Variants in NR5A1 observed in about 807,000 individuals in gnomAD.
NR5A1 encodes the protein steroidogenic factor 1.
A neutral mutation model predicts 42.7 loss-of-function variants in NR5A1; 6 were observed. The ratio of observed to expected loss-of-function variants is 0.14; its 90% CI spans 0.08 to 0.28. NR5A1 has a LOEUF of 0.28. Among genes scored for constraint, NR5A1 ranks in the 10% least tolerant of loss-of-function variants. The probability of loss-of-function intolerance (pLI) is 1.00; values close to 1 mark genes in which losing one functional copy is unlikely to be tolerated. For synonymous variants in NR5A1, 274 were observed against 277.5 expected, an observed-to-expected ratio of 0.99 and a Z score of 0.12; for missense variants, 442 against 626.4, an observed-to-expected ratio of 0.71 and a Z score of 3.14.
chr9:124,488,348 G>T (rs1482037428), intron 6 of NR5A1, among the ~76,000 whole-genome samples: 1 of 151,976 alleles, frequency 6.6e-6, no homozygotes, highest in Non-Finnish European at 1.5e-5. Flanking sequence ...CTCTCTCACT[G>T]CTTGCCATCA....
At chr9:124,493,598 G>A (rs995872844) in intron 4 of NR5A1, among the ~76,000 whole-genome samples, 3 of 152,166 alleles carry the variant, frequency 2.0e-5, no homozygotes, top group Non-Finnish European at 1.5e-5. Flanking sequence ...GCCTGTGGTC[G>A]GTCACACCTC....
At chr9:124,485,107 C>T (rs961511405) in intron 6 of NR5A1, among the ~76,000 whole-genome samples, 4 of 152,170 alleles carry the variant, frequency 2.6e-5, no homozygotes, top group African/African-American at 9.7e-5. Flanking sequence ...TTTCTTGTCA[C>T]CCAAGTTCCT....
intron 6 of NR5A1, among the ~76,000 whole-genome samples, chr9:124,490,023 G>A (rs903235266): frequency 2.6e-5 from 4 of 151,716 alleles, no homozygotes; most frequent in East Asian, 1.9e-4. Flanking sequence ...CATGCCCCTC[G>A]CAGACTGTGA....
chr9:124,501,099 G>C lies in NR5A1; in HGVS notation c.245-384C>G. Reference sequence around the variant, plus strand: ...AGCACTCCTGGATTCATGCAAACGGGCTCTACTGTCCTTGCCCCAGGTGCC... The same window carrying C: ...AGCACTCCTGGATTCATGCAAACGGCCTCTACTGTCCTTGCCCCAGGTGCC... On this transcript the variant is annotated intron_variant, in intron 3 of 6. Coordinates refer to ENST00000373588, the MANE Select transcript of NR5A1 (RefSeq NM_004959.5). This position sits in a 1 kb window ranked among gnomAD's most constrained non-coding sequence, Gnocchi z 4.1. 2.0e-6 allele frequency: 1 copy of C among 505,684 alleles called. No homozygotes were observed. The highest frequency in any genetic ancestry group is 3.9e-6 in the Non-Finnish European group (1 of 254,610). 31.3% of individuals were successfully genotyped at this position (505,684 alleles called of 1,614,324 possible). A position where few individuals can be genotyped will look rare whatever the true frequency, so the allele number is the denominator to read the frequency against.
rs1209882636 is a variant in NR5A1 at position 124,498,269 on chromosome 9, T to TTACG, written c.870+1817_870+1820dup. 2.0e-5 allele frequency among the ~76,000 whole-genome samples: 3 copies of TTACG among 152,180 alleles called. No homozygotes were observed. The highest frequency in any genetic ancestry group is 7.2e-5 in the African/African-American group (3 of 41,446). Reference sequence around the variant, plus strand: ...CAGTGGAAAAGAACTTCCACATGGCTTACGAGAGGCGCTCTAAGGGCTGGG... The same window carrying TTACG: ...CAGTGGAAAAGAACTTCCACATGGCTTACGTACGAGAGGCGCTCTAAGGGCTGGG... On this transcript the variant is annotated intron_variant, in intron 4 of 6. Coordinates refer to ENST00000373588, the MANE Select transcript of NR5A1 (RefSeq NM_004959.5). This position sits in a 1 kb window ranked among gnomAD's most constrained non-coding sequence, Gnocchi z 4.6.
rs141979000 is a variant in NR5A1 at position 124,495,756 on chromosome 9, C to T, written c.871-2607G>A. On this transcript the variant is annotated intron_variant, in intron 4 of 6. Transcript: ENST00000373588. ...CTTCAGGCCAAAAGCAGATGGGTCA[C>T]GGTGACCCGGCTGGCCCAGCCCTGG... is the stretch of plus-strand genomic sequence containing the variant. Among the ~76,000 whole-genome samples, 1,190 of 152,294 alleles carry T rather than the reference C, an allele frequency of 7.8e-3. 19 individuals are homozygous for T. Among genetic ancestry groups the T allele is most frequent in the African/African-American group, 0.028 (1,158 of 41,550 alleles).
At chr9:124,489,304 C>T (rs1193892017) in intron 6 of NR5A1, among the ~76,000 whole-genome samples, 1 of 152,190 alleles carries the variant, frequency 6.6e-6, no homozygotes, top group Non-Finnish European at 1.5e-5. Context: ...CAAGAACTCT[C>T]ACCTTACAAA....
At chr9:124,487,398 T>A (rs1183419739) in intron 6 of NR5A1, among the ~76,000 whole-genome samples, 1 of 152,254 alleles carries the variant, frequency 6.6e-6, no homozygotes, top group Non-Finnish European at 1.5e-5. Flanking sequence ...GCCGCCTCAA[T>A]GGAAGTCAGG....
At chr9:124,504,370 G>A (rs1832518673) in intron 1 of NR5A1, among the ~76,000 whole-genome samples, 1 of 152,182 alleles carries the variant, frequency 6.6e-6, no homozygotes. Context: ...CGGGGGCCCG[G>A]GCCGCAGGAG....
intron 6 of NR5A1, among the ~76,000 whole-genome samples, chr9:124,490,300 G>C (rs368882477): frequency 2.6e-5 from 4 of 152,192 alleles, no homozygotes; most frequent in African/African-American, 9.7e-5. Flanking sequence ...GTCTTTTCAC[G>C]ATTGGCAAGG....
In NR5A1 at chr9:124,501,649, G is replaced by A. The variant is rs1054596030; in HGVS notation, c.245-934C>T. ...GTGGGCAGCGCTGTGCTGCTCGCAG[G>A]CTGCACGGGAGTTTCTACTGCCCAC... On this transcript the variant is annotated intron_variant, in intron 3 of 6. Coordinates refer to ENST00000373588, the MANE Select transcript of NR5A1 (RefSeq NM_004959.5). This position sits in a 1 kb window ranked among gnomAD's most constrained non-coding sequence, Gnocchi z 4.1. Among the ~76,000 whole-genome samples the A allele has an allele frequency of 6.6e-6, 1 of 152,210 alleles. No individual in the cohort carries two copies. Among genetic ancestry groups the A allele is most frequent in the Non-Finnish European group, 1.5e-5 (1 of 68,032 alleles).
At chr9:124,491,829 G>T (rs1382539753) in intron 5 of NR5A1, among the ~76,000 whole-genome samples, 1 of 151,888 alleles carries the variant, frequency 6.6e-6, no homozygotes, top group Admixed American at 6.5e-5. Context: ...GGGTTGATGG[G>T]AAGACAGTGA....
rs944662800 is a variant in NR5A1 at position 124,489,677 on chromosome 9, G to T, written c.1138+1404C>A. Among the ~76,000 whole-genome samples the T allele has an allele frequency of 2.0e-5, 3 of 152,056 alleles. No individual in the cohort carries two copies. In the South Asian group the frequency reaches 6.2e-4, roughly 31 times the overall value. Reference sequence around the variant, plus strand: ...GGAGCTTCCCCAGCTGCAGCCAACCGAGCCTGGGTCCCTGAGGCTCCTGTA... The same window carrying T: ...GGAGCTTCCCCAGCTGCAGCCAACCTAGCCTGGGTCCCTGAGGCTCCTGTA... On this transcript the variant is annotated intron_variant, in intron 6 of 6. Coordinates refer to ENST00000373588, the MANE Select transcript of NR5A1 (RefSeq NM_004959.5).
intron 4 of NR5A1, among the ~76,000 whole-genome samples, chr9:124,493,845 A>T (rs2131280684): frequency 6.6e-6 from 1 of 152,300 alleles, no homozygotes; most frequent in Non-Finnish European, 1.5e-5. Flanking sequence ...GTGCAGGGGC[A>T]GGGCCAGCCC....
In NR5A1 at chr9:124,503,381, G is replaced by A. The variant is rs779406677; in HGVS notation, c.15C>T (p.Tyr5=). The change falls in exon 2 of 7, where the codon TAC becomes TAT. Residue 5 remains tyrosine, a synonymous_variant. Transcript: ENST00000373588. The surrounding 1 kb of genome is among the most constrained non-coding windows in gnomAD (Gnocchi z 9.6). The part of the protein sequence containing the change: MDYS[Y]DEDLDELCPV... ...GGCACAGCTCGTCCAGGTCCTCGTC[G>A]TACGAATAGTCCATGCCCGCGGCGT... 8 of 1,610,268 alleles carry A rather than the reference G, an allele frequency of 5.0e-6. No homozygotes were observed. Among genetic ancestry groups the A allele is most frequent in the Admixed American group, 1.7e-5 (1 of 59,830 alleles).
rs189459355 is a variant in NR5A1 at position 124,506,297 on chromosome 9, C to T, written c.-16+952G>A. Among the ~76,000 whole-genome samples the T allele has an allele frequency of 2.6e-4, 40 of 152,322 alleles. 1 individual carries two copies. The East Asian group carries it at 5.4e-3, about 21-fold the overall frequency. ...ACATGTTGGCTTTACAGATGGGGTA[C>T]TGCGGTTTCCATGCAAGAATCTTGG... is the stretch of plus-strand genomic sequence containing the variant. On this transcript the variant is annotated intron_variant, in intron 1 of 6. Transcript: ENST00000373588.
At chr9:124,499,827 G>A (rs1012313554) in intron 4 of NR5A1, among the ~76,000 whole-genome samples, 3 of 152,196 alleles carry the variant, frequency 2.0e-5, no homozygotes, top group Non-Finnish European at 4.4e-5. Flanking sequence ...GACACAGTAG[G>A]AAGAGACAGA....
In NR5A1 at chr9:124,503,423, A is replaced by G; in HGVS notation, c.-15-13T>C. 1 of 1,587,514 alleles carries G rather than the reference A, an allele frequency of 6.3e-7. No individual in the cohort carries two copies. Among genetic ancestry groups the G allele is most frequent in the Non-Finnish European group, 8.6e-7 (1 of 1,167,880 alleles). ...CCGCGGCGTCCGCCTGCGGAGGGACAGCGGGTCAGGGAGGGCCGGCGGAGA... is the reference window on the plus strand; with the variant it reads ...CCGCGGCGTCCGCCTGCGGAGGGACGGCGGGTCAGGGAGGGCCGGCGGAGA... On this transcript the variant is annotated splice_polypyrimidine_tract_variant and intron_variant, in intron 1 of 6. Transcript: ENST00000373588. This position sits in a 1 kb window ranked among gnomAD's most constrained non-coding sequence, Gnocchi z 9.6.
In NR5A1 at chr9:124,494,716, C is replaced by A. The variant is rs565827205; in HGVS notation, c.871-1567G>T. Among the ~76,000 whole-genome samples the A allele has an allele frequency of 3.6e-3, 554 of 152,114 alleles. 4 individuals carry two copies. The highest frequency in any genetic ancestry group is 0.013 in the African/African-American group (520 of 41,458). ...GCCACTCCCCACCTGGGGCCAGAGA[C>A]TCAGAGGGGCCACTCACCACCTGGG... is the stretch of plus-strand genomic sequence containing the variant. On this transcript the variant is annotated intron_variant, in intron 4 of 6. Coordinates refer to ENST00000373588, the MANE Select transcript of NR5A1 (RefSeq NM_004959.5).
Sources: allele counts gnomAD v4.1 joint callset (sites outside exome capture counted in the v4.1 genomes callset), GRCh38; gene constraint gnomAD v4.1.1; non-coding constraint Gnocchi (gnomAD v3.1); transcripts MANE v1.5; gene names NCBI Gene and HGNC (gene_info 2026-07-23, HGNC 2026-07-21).